KCNT2: variants seen among roughly 807,000 people sequenced by gnomAD.
The protein encoded by KCNT2 is potassium sodium-activated channel subfamily T member 2.
Under a neutral mutation model 153.8 loss-of-function variants are expected in KCNT2, and 67 were observed. The ratio of observed to expected loss-of-function variants is 0.44; its 90% CI spans 0.36 to 0.53. KCNT2 has a LOEUF of 0.53. Ranked by LOEUF, KCNT2 falls within the 20% of genes least tolerant of loss-of-function variation. The pLI is 0.00. For missense variants in KCNT2, 975 were observed against 1,354.8 expected (o/e 0.72, Z 4.40); for synonymous variants, 500 against 458.8 (o/e 1.09, Z -1.15).
intron 13 of KCNT2, among the ~76,000 whole-genome samples, chr1:196,389,560 G>A (rs1203073568): frequency 6.6e-6 from 1 of 151,580 alleles, no homozygotes; most frequent in East Asian, 1.9e-4. Context: ...ATACCTTGAA[G>A]GTCTGCTGGA....
intron 22 of KCNT2, among the ~76,000 whole-genome samples, chr1:196,286,274 T>C (rs1177308100): frequency 6.6e-6 from 1 of 151,976 alleles, no homozygotes; most frequent in Non-Finnish European, 1.5e-5. Context: ...AGGTGATTAG[T>C]TCATGGAGGT....
At chr1:196,388,616 A>G (rs10737670) in intron 13 of KCNT2, among the ~76,000 whole-genome samples, 40,917 of 151,308 alleles carry the variant, frequency 0.27, 5,929 homozygotes, top group East Asian at 0.33. Flanking sequence ...CACATATTTT[A>G]TTAAATTCTC....
chr1:196,415,999 G>GA (rs1013803719), intron 12 of KCNT2, among the ~76,000 whole-genome samples: 3 of 151,930 alleles, frequency 2.0e-5, no homozygotes, highest in African/African-American at 2.4e-5. Flanking sequence ...GAAAATTCTA[G>GA]AAAAAAACAA....
At chr1:196,414,889 A>C (rs1237607163) in intron 12 of KCNT2, among the ~76,000 whole-genome samples, 1 of 151,870 alleles carries the variant, frequency 6.6e-6, no homozygotes, top group Non-Finnish European at 1.5e-5. Flanking sequence ...TGGCCCTCCC[A>C]AGACACTGGC....
chr1:196,418,578 G>A (rs922116579), intron 12 of KCNT2, among the ~76,000 whole-genome samples: 1 of 152,050 alleles, frequency 6.6e-6, no homozygotes, highest in African/African-American at 2.4e-5. Context: ...GGTCCCAGCA[G>A]AGTTGGTTTC....
intron 12 of KCNT2, among the ~76,000 whole-genome samples, chr1:196,402,760 G>T (rs1020515052): frequency 1.3e-5 from 2 of 151,624 alleles, no homozygotes; most frequent in East Asian, 3.9e-4. Flanking sequence ...TTAAAATTGG[G>T]CCAGAGATCA....
intron 1 of KCNT2, among the ~76,000 whole-genome samples, chr1:196,585,673 ATTATT>A (rs1662593153): frequency 6.6e-6 from 1 of 152,112 alleles, no homozygotes; most frequent in Admixed American, 6.6e-5. Flanking sequence ...AGAGAATGGG[ATTATT>A]TTAGAGTATT....
intron 26 of KCNT2, among the ~76,000 whole-genome samples, chr1:196,243,728 G>A (rs566322261): frequency 6.6e-6 from 1 of 152,318 alleles, no homozygotes; most frequent in South Asian, 2.1e-4. Flanking sequence ...GGGCTAAAGT[G>A]CTCTGGGGTT....
chr1:196,338,577 C>T (rs1483638810), intron 16 of KCNT2, among the ~76,000 whole-genome samples: 1 of 151,982 alleles, frequency 6.6e-6, no homozygotes, highest in Non-Finnish European at 1.5e-5. Context: ...AGTCACACTA[C>T]AGAATTTAGA....
At chr1:196,267,098 A>C (rs1657615212) in intron 25 of KCNT2, among the ~76,000 whole-genome samples, 1 of 152,192 alleles carries the variant, frequency 6.6e-6, no homozygotes, top group Non-Finnish European at 1.5e-5. Flanking sequence ...ATACTTAAAC[A>C]GTCCTGCTGT....
rs111737299 is a variant in KCNT2, at chr1:196,423,042, A to T, written c.1185+8T>A. On this transcript the variant is annotated splice_region_variant and intron_variant, in intron 12 of 27. Coordinates refer to ENST00000294725, the MANE Select transcript of KCNT2 (RefSeq NM_198503.5). ...CACAACTTACTAAAAAAGATTTTAG[A>T]AACTTACAGATGATGTCCTATCCAC... 0.071 allele frequency: 108,963 copies of T among 1,535,474 alleles called. 4,668 individuals are homozygous for T. Among genetic ancestry groups the T allele is most frequent in the Non-Finnish European group, 0.081 (92,306 of 1,134,040 alleles).
intron 25 of KCNT2, among the ~76,000 whole-genome samples, chr1:196,276,511 T>C (rs1658583743): frequency 6.6e-6 from 1 of 151,832 alleles, no homozygotes; most frequent in South Asian, 2.1e-4. Context: ...TAGGTCTCCC[T>C]TTATGCTTGG....
At chr1:196,490,482 T>C (rs1256561689) in intron 2 of KCNT2, among the ~76,000 whole-genome samples, 4 of 147,906 alleles carry the variant, frequency 2.7e-5, no homozygotes, top group Non-Finnish European at 4.5e-5. Context: ...ATTTATTCAT[T>C]ATATAATAAT....
intron 25 of KCNT2, among the ~76,000 whole-genome samples, chr1:196,274,663 T>TCCAC (rs1658388580): frequency 6.6e-6 from 1 of 151,860 alleles, no homozygotes; most frequent in African/African-American, 2.4e-5. Flanking sequence ...TATGCACATT[T>TCCAC]TTGGAAGCTA....
chr1:196,404,650 T>C (rs77985006), intron 12 of KCNT2, among the ~76,000 whole-genome samples: 3,025 of 151,514 alleles, frequency 0.02, 99 homozygotes, highest in African/African-American at 0.069. Context: ...ACTGGTAAAT[T>C]AGGATAGATG....
intron 8 of KCNT2, among the ~76,000 whole-genome samples, chr1:196,432,475 C>T (rs1414046760): frequency 6.6e-6 from 1 of 152,130 alleles, no homozygotes; most frequent in Non-Finnish European, 1.5e-5. Flanking sequence ...GAAGATGGGG[C>T]TTCCCATGGC....
At chr1:196,229,180 T>C (rs1653735054) in intron 27 of KCNT2, among the ~76,000 whole-genome samples, 1 of 152,102 alleles carries the variant, frequency 6.6e-6, no homozygotes, top group African/African-American at 2.4e-5. Flanking sequence ...GGAAGGTTTG[T>C]GGCAACCCTG....
chr1:196,589,835 C>G (rs1255339082), intron 1 of KCNT2, among the ~76,000 whole-genome samples: 1 of 151,986 alleles, frequency 6.6e-6, no homozygotes, highest in African/African-American at 2.4e-5. Flanking sequence ...ATACAGATTT[C>G]TAAATCAATT....
chr1:196,384,814 C>T (rs1188951913), intron 13 of KCNT2, among the ~76,000 whole-genome samples: 1 of 151,760 alleles, frequency 6.6e-6, no homozygotes, highest in East Asian at 1.9e-4. Flanking sequence ...ATAAAATCAT[C>T]CCTTGAATTA....
Sources: gnomAD v4.1 joint callset for allele counts (sites outside exome capture counted in the v4.1 genomes callset) on GRCh38, gnomAD v4.1.1 for gene constraint, MANE v1.5 for transcripts, NCBI Gene and HGNC (gene_info 2026-07-23, HGNC 2026-07-21) for gene names.